Variants in NDST4 observed in about 807,000 individuals in gnomAD.
NDST4 encodes the protein N-heparan sulfate sulfotransferase 4.
Under a neutral mutation model 100.8 loss-of-function variants are expected in NDST4, and 63 were observed. The observed-to-expected ratio is 0.62, with a 90% CI of 0.51 to 0.77. The LOEUF (loss-of-function observed/expected upper bound fraction) is 0.77. Among genes scored for constraint, NDST4 ranks in the 30% least tolerant of loss-of-function variants. The pLI is 0.00. For synonymous variants in NDST4, 377 were observed against 361.8 expected, an observed-to-expected ratio of 1.04 and a Z score of -0.48; for missense variants, 943 against 1,018.4, an observed-to-expected ratio of 0.93 and a Z score of 1.01.
At chr4:115,040,344 A>G (rs1728324365) in intron 2 of NDST4, among the ~76,000 whole-genome samples, 1 of 148,928 alleles carries the variant, frequency 6.7e-6, no homozygotes, top group Non-Finnish European at 1.5e-5. Context: ...TCCATACGAG[A>G]TACATCTTAA....
At chr4:114,972,081 T>G (rs1726527394) in intron 3 of NDST4, among the ~76,000 whole-genome samples, 1 of 152,076 alleles carries the variant, frequency 6.6e-6, no homozygotes, top group South Asian at 2.1e-4. Flanking sequence ...TGAATTTATA[T>G]GTATTCACAC....
chr4:114,885,189 A>G (rs1285285784), intron 6 of NDST4, among the ~76,000 whole-genome samples: 4 of 152,146 alleles, frequency 2.6e-5, no homozygotes, highest in Non-Finnish European at 5.9e-5. Flanking sequence ...TAACATTGTG[A>G]ACAAAAACAT....
intron 2 of NDST4, among the ~76,000 whole-genome samples, chr4:115,024,472 G>A (rs1213903434): frequency 6.6e-6 from 1 of 151,906 alleles, no homozygotes; most frequent in Non-Finnish European, 1.5e-5. Flanking sequence ...TGACTTACTT[G>A]GCAGTAGTTA....
At position 115,053,600 on chromosome 4, in the gene NDST4, T is replaced by C. The variant is rs180726240; in HGVS notation, c.978+22459A>G. On this transcript the variant is annotated intron_variant, in intron 2 of 13. Transcript: ENST00000264363. ...TGTTTGAATGATAAACACAGTCACATACAAAACAATGCTCAAAGATATGAC... is the reference window on the plus strand; with the variant it reads ...TGTTTGAATGATAAACACAGTCACACACAAAACAATGCTCAAAGATATGAC... Among the ~76,000 whole-genome samples, 565 of 152,258 alleles carry C rather than the reference T, an allele frequency of 3.7e-3. 3 individuals are homozygous for C. Among genetic ancestry groups the C allele is most frequent in the South Asian group, 4.6e-3 (22 of 4,830 alleles).
At chr4:115,001,905 G>A (rs1007402215) in intron 2 of NDST4, among the ~76,000 whole-genome samples, 1 of 152,168 alleles carries the variant, frequency 6.6e-6, no homozygotes, top group Non-Finnish European at 1.5e-5. Flanking sequence ...ATATGTAAGA[G>A]CCCAGGCAGA....
At chr4:114,898,703 G>T (rs1724769236) in intron 6 of NDST4, among the ~76,000 whole-genome samples, 1 of 151,872 alleles carries the variant, frequency 6.6e-6, no homozygotes, top group Non-Finnish European at 1.5e-5. Flanking sequence ...GTTATTCTTT[G>T]ACTTATTTTA....
At position 114,958,496 on chromosome 4, in the gene NDST4, C is replaced by A. The variant is rs532895210; in HGVS notation, c.1221+11934G>T. Among the ~76,000 whole-genome samples the A allele has an allele frequency of 2.6e-5, 4 of 152,242 alleles. No individual in the cohort carries two copies. The South Asian group carries it at 8.3e-4, about 32-fold the overall frequency. On this transcript the variant is annotated intron_variant, in intron 4 of 13. Transcript: ENST00000264363. ...GAGACCAATCATCTCCATCAAACAC[C>A]ACATGTAGGCTGCAAAGGCTTCGGG...
At chr4:114,911,683 A>C (rs187750276) in intron 6 of NDST4, among the ~76,000 whole-genome samples, 1 of 152,322 alleles carries the variant, frequency 6.6e-6, no homozygotes, top group East Asian at 1.9e-4. Flanking sequence ...ATGGAGGAAG[A>C]AAATCATGAA....
chr4:114,925,504 G>T (rs1028094834), intron 6 of NDST4, among the ~76,000 whole-genome samples: 1 of 152,106 alleles, frequency 6.6e-6, no homozygotes, highest in African/African-American at 2.4e-5. Context: ...CCTGCTATTA[G>T]ATTCCATGAA....
chr4:115,047,817 T>C (rs1728497216), intron 2 of NDST4, among the ~76,000 whole-genome samples: 1 of 152,150 alleles, frequency 6.6e-6, no homozygotes, highest in East Asian at 1.9e-4. Context: ...TCCCCTATTA[T>C]ATATCGTTTA....
chr4:115,106,117 G>A (rs893562145), intron 1 of NDST4, among the ~76,000 whole-genome samples: 12 of 152,050 alleles, frequency 7.9e-5, no homozygotes, highest in Middle Eastern at 3.2e-3. Context: ...GGAACAGTGT[G>A]GGGGTAGGGC....
In NDST4 at chr4:115,076,757, C is replaced by G. The variant is rs755372289; in HGVS notation, c.280G>C (p.Asp94His). The change falls in exon 2 of 14, where the codon GAT becomes CAT. Residue 94 changes from aspartate (D) to histidine (H), a missense_variant. Physicochemically the swap from Asp to His is moderately conservative, Grantham distance 81. Transcript: ENST00000264363. ...VESQYSQLGQ[D>H]IIAILESSRF... Reference sequence around the variant, plus strand: ...CTGGACTCCAAAATAGCTATGATATCTTGACCGAGTTGAGAGTATTGGCTC... The same window carrying G: ...CTGGACTCCAAAATAGCTATGATATGTTGACCGAGTTGAGAGTATTGGCTC... 2 of 1,613,950 alleles carry G rather than the reference C, an allele frequency of 1.2e-6. No individual in the cohort carries two copies. The highest frequency in any genetic ancestry group is 1.7e-6 in the Non-Finnish European group (2 of 1,179,934).
chr4:114,868,461 T>G (rs1724079967), intron 7 of NDST4, among the ~76,000 whole-genome samples: 1 of 152,096 alleles, frequency 6.6e-6, no homozygotes, highest in South Asian at 2.1e-4. Flanking sequence ...TATTGTTACT[T>G]CACAACTTGA....
chr4:115,092,033 A>T (rs537291671), intron 1 of NDST4, among the ~76,000 whole-genome samples: 2 of 152,334 alleles, frequency 1.3e-5, no homozygotes, highest in East Asian at 3.9e-4. Flanking sequence ...TAGGTTTAGT[A>T]ACATTACTCT....
chr4:114,877,821 T>TCC (rs954221582), intron 6 of NDST4, among the ~76,000 whole-genome samples: 7 of 151,954 alleles, frequency 4.6e-5, no homozygotes, highest in African/African-American at 1.2e-4. Context: ...GGTGACTAGC[T>TCC]CCTGCCTGTA....
chr4:114,987,973 G>A (rs1324686572), intron 2 of NDST4, among the ~76,000 whole-genome samples: 1 of 152,166 alleles, frequency 6.6e-6, no homozygotes, highest in Non-Finnish European at 1.5e-5. Flanking sequence ...CATGAAATGT[G>A]ATTCTGAATA....
chr4:115,028,843 T>G (rs1444075921), intron 2 of NDST4, among the ~76,000 whole-genome samples: 1 of 152,130 alleles, frequency 6.6e-6, no homozygotes, highest in Non-Finnish European at 1.5e-5. Context: ...ACAGGAAGCA[T>G]GCCACATTAA....
At chr4:114,914,263 G>A (rs1269842225) in intron 6 of NDST4, among the ~76,000 whole-genome samples, 1 of 152,108 alleles carries the variant, frequency 6.6e-6, no homozygotes, top group South Asian at 2.1e-4. Context: ...GACCTACTGT[G>A]TGATAGCACA....
rs760252865 is a variant in NDST4, at chr4:114,845,903, G to A, written c.2035C>T (p.Arg679Ter). 17 of 1,613,886 alleles carry A rather than the reference G, an allele frequency of 1.1e-5. No homozygotes were observed. The highest frequency in any genetic ancestry group is 2.2e-5 in the South Asian group (2 of 91,074). The part of the protein sequence containing the change: ...NYFHSEEAPR[R>*]AASLVPKAKI... Reference sequence around the variant, plus strand: ...GCTTTGGGGACAAGAGATGCGGCTCGTCTTGGAGCTTCTTCCGAATGGAAG... The same window carrying A: ...GCTTTGGGGACAAGAGATGCGGCTCATCTTGGAGCTTCTTCCGAATGGAAG... Residue 679 changes from arginine (R) to a stop codon, truncating the protein, a stop_gained, in exon 10 of 14, where the codon CGA becomes TGA. Coordinates refer to ENST00000264363, the MANE Select transcript of NDST4 (RefSeq NM_022569.3). LOFTEE classifies it high-confidence loss of function.
Sources: gnomAD v4.1 joint callset for allele counts (sites outside exome capture counted in the v4.1 genomes callset) on GRCh38, gnomAD v4.1.1 for gene constraint, MANE v1.5 for transcripts, NCBI Gene and HGNC (gene_info 2026-07-23, HGNC 2026-07-21) for gene names.